CLIC5: variants seen among roughly 807,000 people sequenced by gnomAD.
CLIC5 encodes the protein CLIC family member 5, also known as chloride intracellular channel protein 5.
Under a neutral mutation model 24.7 loss-of-function variants are expected in CLIC5, and 20 were observed. The observed-to-expected ratio is 0.81, with a 90% CI of 0.57 to 1.18. The LOEUF (loss-of-function observed/expected upper bound fraction) is 1.18, where lower values mean the gene tolerates loss of function less well. Among genes scored for constraint, CLIC5 ranks in the 50% most tolerant of loss-of-function variants. CLIC5 has a pLI of 0.00. For synonymous variants in CLIC5, 159 were observed against 135.6 expected, an observed-to-expected ratio of 1.17 and a Z score of -1.20; for missense variants, 341 against 326.1, an observed-to-expected ratio of 1.05 and a Z score of -0.35.
chr6:45,940,065 C>T (rs1764078441), intron 4 of CLIC5, among the ~76,000 whole-genome samples: 1 of 152,150 alleles, frequency 6.6e-6, no homozygotes, highest in African/African-American at 2.4e-5. Context: ...TCCAAGCTGG[C>T]ACTGTGGGCT....
exon 7 of CLIC5, chr6:45,881,023 C>T (rs999977393): frequency 2.0e-5 from 8 of 397,732 alleles, no homozygotes; most frequent in Non-Finnish European, 3.5e-5. Context: ...TATTTAAACT[C>T]TTAGGTTTTT....
chr6:46,035,708 T>C (rs761325654), intron 1 of CLIC5, among the ~76,000 whole-genome samples: 1 of 152,174 alleles, frequency 6.6e-6, no homozygotes, highest in Non-Finnish European at 1.5e-5. Flanking sequence ...GACCCAGGGC[T>C]GTGTTGCAGC....
Position 45,949,256 on chromosome 6 carries a change from T to G in CLIC5, c.299A>C (p.Lys100Thr), listed in dbSNP as rs775751621. 7 of 1,612,830 alleles carry G rather than the reference T, an allele frequency of 4.3e-6. No homozygotes were observed. In the South Asian group the frequency reaches 7.7e-5, roughly 18 times the overall value. The change falls in exon 3 of 6, where the codon AAG becomes ACG. Residue 100 changes from lysine to threonine, a missense_variant and splice_region_variant. By Grantham distance (78) the Lys-to-Thr change is moderately conservative. Coordinates refer to ENST00000339561, the MANE Select transcript of CLIC5 (RefSeq NM_016929.5). ...EFLEETLTPEKYPKLAAKHRE... is the reference protein window; with the variant it reads ...EFLEETLTPETYPKLAAKHRE... ...GCCCCAGAAAGAAACAGATCCTTAC[T>G]TTTCAGGGGTCAAGGTCTCCTCCAG... is the stretch of plus-strand genomic sequence containing the variant.
intron 4 of CLIC5, among the ~76,000 whole-genome samples, chr6:45,938,380 C>T (rs35570290): frequency 0.057 from 8,679 of 152,108 alleles, 357 homozygotes; most frequent in South Asian, 0.12. Context: ...TTGACCACAA[C>T]TCGGGGGTAT....
At chr6:46,117,631 T>C in the CLIC5 span, among the ~76,000 whole-genome samples, 1 of 152,238 alleles carries the variant, frequency 6.6e-6, no homozygotes, top group Admixed American at 6.5e-5. Flanking sequence ...TACATTTTTG[T>C]AGTACCATAG....
intron 1 of CLIC5, among the ~76,000 whole-genome samples, chr6:45,960,147 A>C (rs1764798841): frequency 1.3e-5 from 2 of 152,214 alleles, no homozygotes; most frequent in African/African-American, 4.8e-5. Flanking sequence ...GTTTTAAGAC[A>C]TTCCATGAAC....
At chr6:46,030,742 A>G (rs965693487) in intron 1 of CLIC5, among the ~76,000 whole-genome samples, 2 of 152,162 alleles carry the variant, frequency 1.3e-5, no homozygotes, top group Non-Finnish European at 2.9e-5. Context: ...TGCTTGAAAT[A>G]CTTTCTTCAT....
At chr6:46,021,164 T>C (rs1320767820) in intron 1 of CLIC5, among the ~76,000 whole-genome samples, 2 of 150,172 alleles carry the variant, frequency 1.3e-5, no homozygotes, top group Non-Finnish European at 3.0e-5. Flanking sequence ...CTAGAAGACT[T>C]ACCAATGGCA....
intron 5 of CLIC5, among the ~76,000 whole-genome samples, chr6:45,908,132 G>C (rs1470718256): frequency 6.6e-6 from 1 of 152,042 alleles, no homozygotes; most frequent in Non-Finnish European, 1.5e-5. Context: ...TGTCATTTCT[G>C]ATTGTGCTTA....
chr6:46,096,178 C>A, the CLIC5 span, among the ~76,000 whole-genome samples: 1 of 152,158 alleles, frequency 6.6e-6, no homozygotes, highest in Non-Finnish European at 1.5e-5. Flanking sequence ...CTCATGAGAA[C>A]TCACTCACTC....
intron 4 of CLIC5, chr6:45,920,214 G>T: frequency 1.0e-6 from 1 of 980,834 alleles, no homozygotes; most frequent in Non-Finnish European, 1.2e-6. Context: ...ACCGTGATGA[G>T]GTCAAGAAGG....
chr6:46,020,193 T>G (rs547160234), upstream of CLIC5, among the ~76,000 whole-genome samples: 1 of 152,154 alleles, frequency 6.6e-6, no homozygotes, highest in Non-Finnish European at 1.5e-5. Context: ...AGAACAAACT[T>G]CATTACGTTA....
chr6:46,082,790 C>T (rs1332274909), upstream of CLIC5, among the ~76,000 whole-genome samples: 1 of 148,826 alleles, frequency 6.7e-6, no homozygotes, highest in Non-Finnish European at 1.5e-5. Flanking sequence ...TACTAAAAAC[C>T]CTTACCCTAC....
intron 5 of CLIC5, among the ~76,000 whole-genome samples, chr6:45,907,673 G>A (rs1027143113): frequency 6.6e-6 from 1 of 151,928 alleles, no homozygotes; most frequent in Non-Finnish European, 1.5e-5. Flanking sequence ...CTGGTTGGTA[G>A]GTTTTTTTAA....
At chr6:45,951,641 G>A (rs1581783243) in intron 2 of CLIC5, among the ~76,000 whole-genome samples, 1 of 152,222 alleles carries the variant, frequency 6.6e-6, no homozygotes, top group African/African-American at 2.4e-5. Flanking sequence ...CACTAAAAAT[G>A]TTTAGGGAAG....
the CLIC5 span, among the ~76,000 whole-genome samples, chr6:46,104,390 A>G: frequency 6.6e-6 from 1 of 152,154 alleles, no homozygotes; most frequent in African/African-American, 2.4e-5. Flanking sequence ...AGGCCAGCAC[A>G]GTTTCTGTTC....
At chr6:45,912,059 T>C in intron 5 of CLIC5, 1 of 985,896 alleles carries the variant, frequency 1.0e-6, no homozygotes, top group Non-Finnish European at 1.2e-6. Context: ...CACACGGAGA[T>C]CTGACGTTCG....
intron 1 of CLIC5, among the ~76,000 whole-genome samples, chr6:45,986,485 A>G (rs768527143): frequency 3.3e-5 from 5 of 152,216 alleles, no homozygotes; most frequent in African/African-American, 4.8e-5. Context: ...TGATGTCTGC[A>G]AATGGAAAGG....
At chr6:45,895,222 A>C (rs1027132465), downstream of CLIC5, among the ~76,000 whole-genome samples, 3 of 152,210 alleles carry the variant, frequency 2.0e-5, no homozygotes, top group East Asian at 5.8e-4. Flanking sequence ...ATTTAGTCAG[A>C]TAATTCTAGG....
Sources: allele counts gnomAD v4.1 joint callset (sites outside exome capture counted in the v4.1 genomes callset), GRCh38; gene constraint gnomAD v4.1.1; transcripts MANE v1.5; gene names NCBI Gene and HGNC (gene_info 2026-07-23, HGNC 2026-07-21).